Variants in MTHFD1L observed in about 807,000 individuals in gnomAD.
MTHFD1L encodes the protein monofunctional C1-tetrahydrofolate synthase, mitochondrial.
Under a neutral mutation model 119.5 loss-of-function variants are expected in MTHFD1L, and 81 were observed. The observed-to-expected ratio is 0.68, with a 90% CI of 0.57 to 0.82. The LOEUF is 0.82. MTHFD1L is among the 40% of genes least tolerant of loss of function. The probability of loss-of-function intolerance (pLI) is 0.00; values close to 1 mark genes in which losing one functional copy is unlikely to be tolerated. For missense variants in MTHFD1L, 1,125 were observed against 1,253.4 expected, an observed-to-expected ratio of 0.90 and a Z score of 1.55; for synonymous variants, 430 against 475.2, an observed-to-expected ratio of 0.90 and a Z score of 1.24.
intron 7 of MTHFD1L, among the ~76,000 whole-genome samples, chr6:150,904,616 C>G (rs939353300): frequency 6.6e-6 from 1 of 152,194 alleles, no homozygotes; most frequent in African/African-American, 2.4e-5. Context: ...TCACCCCTCC[C>G]TCTGCATAGG....
Position 151,047,214 on chromosome 6 carries a change from G to A in MTHFD1L, c.2847+10097G>A, listed in dbSNP as rs1788229773. ...AAGTTATGCAGCCACACAGTACCTC[G>A]TTTGGCTTAAAGTCACTGTTTCCAA... On this transcript the variant is annotated intron_variant, in intron 26 of 27. Transcript: ENST00000367321. Among the ~76,000 whole-genome samples the A allele has an allele frequency of 3.3e-5, 5 of 152,238 alleles. No homozygotes were observed. The South Asian group carries it at 8.3e-4, about 25-fold the overall frequency.
At position 151,099,033 on chromosome 6, in the gene MTHFD1L, G is replaced by A. The variant is rs188487235; in HGVS notation, c.*32-2493G>A. Among the ~76,000 whole-genome samples the A allele has an allele frequency of 2.6e-3, 399 of 152,110 alleles. 2 individuals are homozygous for A. Among genetic ancestry groups the A allele is most frequent in the Non-Finnish European group, 4.2e-3 (286 of 67,990 alleles). On this transcript the variant is annotated intron_variant, in intron 27 of 27. Transcript: ENST00000367321. ...TCTACTAAAAATACAAAAATTAGTC[G>A]GGCATGGTGGCGGGTACCTGTAATC...
In MTHFD1L at chr6:150,925,638, A is replaced by AT. The variant is rs370489478; in HGVS notation, c.1083-478dup. Among the ~76,000 whole-genome samples, 55 of 152,116 alleles carry AT rather than the reference A, an allele frequency of 3.6e-4. 1 individual carries two copies. Among genetic ancestry groups the AT allele is most frequent in the African/African-American group, 1.3e-3 (55 of 41,512 alleles). Reference sequence around the variant, plus strand: ...AGATAAAACGAAATAGCATTTCCACATTTTTTCTTTTTTTTTGTACTTAAT... The same window carrying AT: ...AGATAAAACGAAATAGCATTTCCACATTTTTTTCTTTTTTTTTGTACTTAAT... On this transcript the variant is annotated intron_variant, in intron 10 of 27. Coordinates refer to ENST00000367321, the MANE Select transcript of MTHFD1L (RefSeq NM_015440.5).
intron 24 of MTHFD1L, among the ~76,000 whole-genome samples, chr6:151,029,371 A>G (rs1417112357): frequency 1.3e-5 from 2 of 152,090 alleles, no homozygotes; most frequent in South Asian, 2.1e-4. Context: ...CCGTGAGCCA[A>G]GATCGCGCCA....
At chr6:151,099,442 T>C in intron 27 of MTHFD1L, 1 of 942,594 alleles carries the variant, frequency 1.1e-6, no homozygotes, top group Non-Finnish European at 1.7e-6. Flanking sequence ...GCCGTGTCTC[T>C]GAAATATTTT....
intron 1 of MTHFD1L, among the ~76,000 whole-genome samples, chr6:150,871,891 A>ATTTTTTTTTTTTTTTTTTTTTTT (rs1562287413): frequency 2.7e-5 from 4 of 147,172 alleles, no homozygotes; most frequent in African/African-American, 1.0e-4. Flanking sequence ...ATTTTATTTT[A>ATTTTTTTTTTTTTTTTTTTTTTT]TTTTTTGAGA....
At chr6:151,048,280 T>C (rs1788423950) in intron 26 of MTHFD1L, among the ~76,000 whole-genome samples, 1 of 151,266 alleles carries the variant, frequency 6.6e-6, no homozygotes, top group South Asian at 2.1e-4. Context: ...GCACACCTCT[T>C]CACTTGTGCC....
At chr6:150,970,759 T>G (rs1797897691) in intron 19 of MTHFD1L, among the ~76,000 whole-genome samples, 1 of 152,236 alleles carries the variant, frequency 6.6e-6, no homozygotes, top group African/African-American at 2.4e-5. Flanking sequence ...TTTAATTTGA[T>G]GTACTGTATC....
In MTHFD1L at chr6:151,009,679, A is replaced by G. The variant is rs192012629; in HGVS notation, c.2126-140A>G. On this transcript the variant is annotated intron_variant, in intron 20 of 27. Coordinates refer to ENST00000367321, the MANE Select transcript of MTHFD1L (RefSeq NM_015440.5). ...GAAAGTGAAGAACATTTCTATGACAATGGGGAAATCAGTTCACCTTTGTGT... is the reference window on the plus strand; with the variant it reads ...GAAAGTGAAGAACATTTCTATGACAGTGGGGAAATCAGTTCACCTTTGTGT... 392 of 994,698 alleles carry G rather than the reference A, an allele frequency of 3.9e-4. 1 individual carries two copies. The highest frequency in any genetic ancestry group is 2.8e-4 in the Non-Finnish European group (183 of 660,342). The allele number at this position is 994,698 out of a possible 1,614,324, so 61.6% of individuals were successfully genotyped here.
rs565531180 is a variant in MTHFD1L, at chr6:151,046,853, A to T, written c.2847+9736A>T. 3.9e-5 allele frequency among the ~76,000 whole-genome samples: 6 copies of T among 152,316 alleles called. No individual in the cohort carries two copies. The South Asian group carries it at 8.3e-4, about 21-fold the overall frequency. ...CCACCCTCAGAGTCAGTTTGAGGGT[A>T]TAGTGGGAAGCCTGAATAAAAAGAG... On this transcript the variant is annotated intron_variant, in intron 26 of 27. Transcript: ENST00000367321.
chr6:151,029,819 C>T (rs1212416398), intron 24 of MTHFD1L, among the ~76,000 whole-genome samples: 1 of 152,172 alleles, frequency 6.6e-6, no homozygotes, highest in African/African-American at 2.4e-5. Flanking sequence ...TAAATAACAA[C>T]TCAGCCATCC....
chr6:151,042,496 T>C (rs1787287478), intron 26 of MTHFD1L, among the ~76,000 whole-genome samples: 1 of 152,216 alleles, frequency 6.6e-6, no homozygotes, highest in South Asian at 2.1e-4. Flanking sequence ...CAAAATTCTT[T>C]CAAGGATTAT....
chr6:151,067,685 T>C (rs977481059), intron 26 of MTHFD1L, among the ~76,000 whole-genome samples: 1 of 152,218 alleles, frequency 6.6e-6, no homozygotes, highest in South Asian at 2.1e-4. Flanking sequence ...AGAAATAATG[T>C]TGTGTGTTAA....
intron 20 of MTHFD1L, among the ~76,000 whole-genome samples, chr6:150,987,545 C>G (rs1229096285): frequency 1.3e-5 from 2 of 152,210 alleles, no homozygotes; most frequent in Non-Finnish European, 2.9e-5. Context: ...AGAATTACCC[C>G]CATCTTGCAG....
At chr6:151,006,269 C>T (rs567041359) in intron 20 of MTHFD1L, among the ~76,000 whole-genome samples, 13 of 152,244 alleles carry the variant, frequency 8.5e-5, no homozygotes, top group African/African-American at 3.1e-4. Context: ...ATGGCACATC[C>T]AAGCTGAGTC....
chr6:150,896,889 A>G (rs1341192420), intron 7 of MTHFD1L, among the ~76,000 whole-genome samples: 1 of 152,010 alleles, frequency 6.6e-6, no homozygotes, highest in Non-Finnish European at 1.5e-5. Flanking sequence ...CAGGTGGATC[A>G]TGAGGTCAGG....
At chr6:151,007,008 C>A (rs2128475933) in intron 20 of MTHFD1L, among the ~76,000 whole-genome samples, 1 of 152,240 alleles carries the variant, frequency 6.6e-6, no homozygotes. Flanking sequence ...GCCAGTGAAC[C>A]AGTCTTGCTG....
rs1361071807 is a variant in MTHFD1L at position 151,090,173 on chromosome 6, G to C, written c.2848-2294G>C. On this transcript the variant is annotated intron_variant, in intron 26 of 27. Transcript: ENST00000367321. Reference sequence around the variant, plus strand: ...AGTTGGCCCAGCTAGGCAGGGAAGGGGGTGTTAATGAGGCCTGCAGGTGCA... The same window carrying C: ...AGTTGGCCCAGCTAGGCAGGGAAGGCGGTGTTAATGAGGCCTGCAGGTGCA... Among the ~76,000 whole-genome samples the C allele has an allele frequency of 2.6e-5, 4 of 152,222 alleles. No individual in the cohort carries two copies. In the East Asian group the frequency reaches 7.7e-4, roughly 29 times the overall value.
intron 27 of MTHFD1L, chr6:151,100,005 A>G: frequency 2.7e-6 from 2 of 745,078 alleles, no homozygotes; most frequent in East Asian, 5.2e-5. Flanking sequence ...TTAAAAAAAA[A>G]GAAAAGAAAG....
Sources: gnomAD v4.1 joint callset for allele counts (sites outside exome capture counted in the v4.1 genomes callset) on GRCh38, gnomAD v4.1.1 for gene constraint, MANE v1.5 for transcripts, NCBI Gene and HGNC (gene_info 2026-07-23, HGNC 2026-07-21) for gene names.